Variants in TTBK2 observed in about 807,000 individuals in gnomAD.
The protein encoded by TTBK2 is tau tubulin kinase 2.
A neutral mutation model predicts 110.8 loss-of-function variants in TTBK2; 28 were observed. The observed-to-expected ratio is 0.25, with a 90% CI of 0.19 to 0.35. TTBK2 has a LOEUF of 0.35. Among genes scored for constraint, TTBK2 ranks in the 10% least tolerant of loss-of-function variants. The pLI is 1.00. For missense variants in TTBK2, 1,369 were observed against 1,500.3 expected (o/e 0.91, Z 1.45); for synonymous variants, 532 against 527.3 (o/e 1.01, Z -0.12).
intron 3 of TTBK2, among the ~76,000 whole-genome samples, chr15:42,858,431 T>C (rs1473590641): frequency 2.0e-5 from 3 of 152,170 alleles, no homozygotes; most frequent in South Asian, 2.1e-4. Context: ...TGCAACAATA[T>C]TGGCCAAAAT....
chr15:42,749,268 T>C (rs556990345), intron 14 of TTBK2, among the ~76,000 whole-genome samples: 1 of 152,320 alleles, frequency 6.6e-6, no homozygotes, highest in African/African-American at 2.4e-5. Flanking sequence ...GGGAAGACAG[T>C]AGAGTAGGAA....
intron 9 of TTBK2, among the ~76,000 whole-genome samples, chr15:42,805,797 C>A (rs1219890986): frequency 1.3e-5 from 2 of 152,182 alleles, no homozygotes; most frequent in African/African-American, 2.4e-5. Context: ...AACCCCTAAG[C>A]CATCATCCAC....
chr15:42,853,747 C>T (rs569816894), intron 3 of TTBK2, among the ~76,000 whole-genome samples: 1 of 152,124 alleles, frequency 6.6e-6, no homozygotes, highest in African/African-American at 2.4e-5. Flanking sequence ...TAAGAATAAA[C>T]GAGCACACCT....
intron 7 of TTBK2, 26 bp from the exon 8 acceptor site, chr15:42,811,806 C>G (rs1226211031): frequency 1.9e-6 from 3 of 1,597,316 alleles, no homozygotes; most frequent in Non-Finnish European, 2.6e-6. Context: ...AGAATCCAGT[C>G]ACATAACATT....
intron 10 of TTBK2, 105 bp from the exon 11 acceptor site, chr15:42,783,740 G>C: frequency 2.9e-5 from 22 of 749,324 alleles, no homozygotes; most frequent in South Asian, 3.3e-5. Context: ...ATAATTAAGA[G>C]AGTTAAAAAA....
intron 3 of TTBK2, among the ~76,000 whole-genome samples, chr15:42,867,970 G>A (rs939363547): frequency 3.3e-5 from 5 of 152,088 alleles, no homozygotes; most frequent in Non-Finnish European, 7.4e-5. Flanking sequence ...AAAAAGAAAT[G>A]ACCTATCAAG....
In TTBK2 at chr15:42,844,915, A is replaced by T. The variant is rs576413317; in HGVS notation, c.218-4482T>A. ...CCTACTATATGCCAAGCACTAAACT[A>T]GGCACTAGAAATACAAGATAAATTA... On this transcript the variant is annotated intron_variant, in intron 3 of 14. Coordinates refer to ENST00000267890, the MANE Select transcript of TTBK2 (RefSeq NM_173500.4). Among the ~76,000 whole-genome samples the T allele has an allele frequency of 4.2e-4, 64 of 152,366 alleles. 1 individual carries two copies. In the Middle Eastern group the frequency reaches 0.01, roughly 24 times the overall value.
intron 13 of TTBK2, among the ~76,000 whole-genome samples, chr15:42,768,837 A>G (rs993057139): frequency 6.6e-6 from 1 of 152,240 alleles, no homozygotes; most frequent in African/African-American, 2.4e-5. Flanking sequence ...AGCTGGAGGC[A>G]TCATACTACC....
intron 6 of TTBK2, among the ~76,000 whole-genome samples, chr15:42,823,240 G>C (rs570845920): frequency 6.6e-6 from 1 of 152,134 alleles, no homozygotes; most frequent in African/African-American, 2.4e-5. Flanking sequence ...CCAGCTGAAG[G>C]GCTGAAACTG....
chr15:42,748,975 C>T (rs1002096472), intron 14 of TTBK2, among the ~76,000 whole-genome samples: 5 of 151,998 alleles, frequency 3.3e-5, no homozygotes, highest in African/African-American at 1.2e-4. Context: ...TCATGGACAA[C>T]GTATTCTTCA....
intron 3 of TTBK2, among the ~76,000 whole-genome samples, chr15:42,851,997 C>G (rs1282562768): frequency 6.6e-6 from 1 of 151,656 alleles, no homozygotes; most frequent in Non-Finnish European, 1.5e-5. Flanking sequence ...GCCTAACATT[C>G]AGTAGCACTG....
At chr15:42,848,732 C>A (rs530617910) in intron 3 of TTBK2, among the ~76,000 whole-genome samples, 1 of 152,160 alleles carries the variant, frequency 6.6e-6, no homozygotes, top group Non-Finnish European at 1.5e-5. Context: ...TCAGGTGATC[C>A]GCCCACCTAA....
In TTBK2 at chr15:42,777,028, TAC is replaced by T. The variant is rs1334744287; in HGVS notation, c.1409+1_1409+2del. ...TTAAAAAGAAAAATACACTATTTTATACCAGGTCTCAAGGAACTTGTCAGTGT... is the reference window on the plus strand; with the variant it reads ...TTAAAAAGAAAAATACACTATTTTATCAGGTCTCAAGGAACTTGTCAGTGT... On this transcript the variant is annotated splice_donor_variant, in intron 12 of 14. Transcript: ENST00000267890. LOFTEE classifies it high-confidence loss of function. The T allele has an allele frequency of 6.2e-7, 1 of 1,613,836 alleles. No individual in the cohort carries two copies. Among genetic ancestry groups the T allele is most frequent in the Admixed American group, 1.7e-5 (1 of 60,016 alleles).
chr15:42,878,119 C>G (rs563116046), intron 2 of TTBK2, among the ~76,000 whole-genome samples: 1 of 148,952 alleles, frequency 6.7e-6, no homozygotes, highest in Non-Finnish European at 1.5e-5. Flanking sequence ...GGACTACAGG[C>G]GCCTGCACCA....
At chr15:42,762,905 G>C (rs2062051219) in intron 13 of TTBK2, among the ~76,000 whole-genome samples, 1 of 150,092 alleles carries the variant, frequency 6.7e-6, no homozygotes, top group African/African-American at 2.5e-5. Context: ...ATATGAGGAA[G>C]CTAAAAAAAA....
chr15:42,898,137 T>C (rs973995687), intron 1 of TTBK2, among the ~76,000 whole-genome samples: 80 of 152,098 alleles, frequency 5.3e-4, no homozygotes, highest in African/African-American at 1.9e-3. Flanking sequence ...CCTTCTCAAG[T>C]AAATGGGTAA....
At chr15:42,771,057 T>G (rs1889649053) in intron 13 of TTBK2, among the ~76,000 whole-genome samples, 1 of 151,222 alleles carries the variant, frequency 6.6e-6, no homozygotes, top group Non-Finnish European at 1.5e-5. Context: ...CACTGCAACC[T>G]CCGGCTCCCA....
rs2061767323 is a variant in TTBK2 at position 42,744,355 on chromosome 15, A to C, written c.*1440T>G. ...TTCCTTTCTTTTTTTTTTGTTTCCCAATTCAACTGTATTAGGTTTGGCAGC... is the reference window on the plus strand; with the variant it reads ...TTCCTTTCTTTTTTTTTTGTTTCCCCATTCAACTGTATTAGGTTTGGCAGC... On this transcript the variant is annotated 3_prime_UTR_variant, in exon 15 of 15. Coordinates refer to ENST00000267890, the MANE Select transcript of TTBK2 (RefSeq NM_173500.4). 1 of 152,050 alleles carries C rather than the reference A, an allele frequency of 6.6e-6. No homozygotes were observed. Among genetic ancestry groups the C allele is most frequent in the African/African-American group, 2.4e-5 (1 of 41,358 alleles). The allele number at this position is 152,050 out of a possible 1,614,324, so 9.4% of individuals were successfully genotyped here.
chr15:42,828,831 T>C (rs1892638769), intron 5 of TTBK2, among the ~76,000 whole-genome samples: 1 of 151,192 alleles, frequency 6.6e-6, no homozygotes, highest in Non-Finnish European at 1.5e-5. Flanking sequence ...TTAAGGAAAA[T>C]ACACTTTGTA....
Sources: allele counts gnomAD v4.1 joint callset (sites outside exome capture counted in the v4.1 genomes callset), GRCh38; gene constraint gnomAD v4.1.1; transcripts MANE v1.5; gene names NCBI Gene and HGNC (gene_info 2026-07-23, HGNC 2026-07-21).